Variants in NMD3 observed in about 807,000 individuals in gnomAD.
NMD3 encodes 60S ribosomal export protein NMD3.
A neutral mutation model predicts 73.1 loss-of-function variants in NMD3; 47 were observed. The observed-to-expected ratio is 0.64, with a 90% CI of 0.51 to 0.82. NMD3 has a LOEUF of 0.82. NMD3 is among the 40% of genes least tolerant of loss of function. The probability of loss-of-function intolerance (pLI) is 0.00; values close to 1 mark genes in which losing one functional copy is unlikely to be tolerated. For synonymous variants in NMD3, 210 were observed against 194.5 expected (o/e 1.08, Z -0.66); for missense variants, 554 against 612.5 (o/e 0.90, Z 1.01).
chr3:161,232,005 G>C (rs963744363), intron 4 of NMD3, among the ~76,000 whole-genome samples: 2 of 152,116 alleles, frequency 1.3e-5, no homozygotes, highest in Non-Finnish European at 2.9e-5. Flanking sequence ...GATTAGTCAT[G>C]GTTGTCTGAG....
At chr3:161,226,497 A>G (rs558482893) in intron 3 of NMD3, among the ~76,000 whole-genome samples, 4 of 152,284 alleles carry the variant, frequency 2.6e-5, no homozygotes, top group Admixed American at 2.6e-4. Flanking sequence ...TTATAAACAA[A>G]GGGAGACCTG....
At position 161,241,344 on chromosome 3, in the gene NMD3, T is replaced by A. The variant is rs189905217; in HGVS notation, c.871+181T>A. The stretch of plus-strand genomic sequence containing the variant: ...CAAGCTTTGATTAGTTACTTTTGTA[T>A]TTTTTATTTAAAGAAACAATTCTGT... On this transcript the variant is annotated intron_variant, in intron 10 of 15. Transcript: ENST00000351193. 3.9e-5 allele frequency among the ~76,000 whole-genome samples: 6 copies of A among 152,300 alleles called. No homozygotes were observed. The East Asian group carries it at 9.6e-4, about 24-fold the overall frequency.
In NMD3 at chr3:161,246,296, T is replaced by C. The variant is rs777983912; in HGVS notation, c.1018-40T>C. On this transcript the variant is annotated intron_variant, in intron 11 of 15. Transcript: ENST00000351193. ...TTTCTCTGAGATGCTTTTAGAGTTATGTTTAGATTATTGAAGAGTACATTT... is the reference window on the plus strand; with the variant it reads ...TTTCTCTGAGATGCTTTTAGAGTTACGTTTAGATTATTGAAGAGTACATTT... The C allele has an allele frequency of 7.0e-6, 5 of 718,732 alleles. No individual in the cohort carries two copies. The African/African-American group carries it at 7.2e-5, about 10-fold the overall frequency. The allele number at this position is 718,732 out of a possible 1,614,324, so 44.5% of individuals were successfully genotyped here. A position where few individuals can be genotyped will look rare whatever the true frequency, so the allele number is the denominator to read the frequency against.
intron 7 of NMD3, 64 bp from the exon 8 acceptor site, chr3:161,238,049 T>C: frequency 9.6e-7 from 1 of 1,041,602 alleles, no homozygotes; most frequent in South Asian, 1.4e-5. Context: ...AATATAGTCA[T>C]GTTAGTAGAG....
chr3:161,241,613 G>T (rs1228628334), intron 10 of NMD3, among the ~76,000 whole-genome samples: 2 of 151,954 alleles, frequency 1.3e-5, no homozygotes, highest in East Asian at 3.9e-4. Context: ...TAGAGACGGG[G>T]TTTCACTGTG....
intron 5 of NMD3, 32 bp downstream of exon 5, chr3:161,233,511 A>C (rs767329042): frequency 1.5e-6 from 2 of 1,356,736 alleles, no homozygotes; most frequent in Admixed American, 3.5e-5. Context: ...CAGCATGGTT[A>C]AAGTGCAGGT....
At chr3:161,231,879 G>C (rs1044490916) in intron 4 of NMD3, among the ~76,000 whole-genome samples, 1 of 152,134 alleles carries the variant, frequency 6.6e-6, no homozygotes, top group Non-Finnish European at 1.5e-5. Flanking sequence ...GGGGAGGAGT[G>C]TTAGATGGGG....
intron 4 of NMD3, among the ~76,000 whole-genome samples, chr3:161,230,901 G>T (rs183979597): frequency 6.6e-6 from 1 of 152,088 alleles, no homozygotes; most frequent in East Asian, 1.9e-4. Flanking sequence ...AGGAGAGAGC[G>T]GAAGATATGA....
chr3:161,244,373 C>G (rs146289174), intron 11 of NMD3, among the ~76,000 whole-genome samples: 2 of 152,344 alleles, frequency 1.3e-5, no homozygotes, highest in Non-Finnish European at 2.9e-5. Flanking sequence ...AAGCAATCCT[C>G]CTGCCTTGGC....
At chr3:161,246,950 T>G (rs938677168) in intron 12 of NMD3, among the ~76,000 whole-genome samples, 13 of 152,136 alleles carry the variant, frequency 8.5e-5, no homozygotes, top group African/African-American at 3.1e-4. Flanking sequence ...TTTTGTTTGT[T>G]TGTTTAAAAT....
chr3:161,237,478 T>G (rs1328415363), intron 7 of NMD3, among the ~76,000 whole-genome samples: 1 of 151,910 alleles, frequency 6.6e-6, no homozygotes, highest in Admixed American at 6.6e-5. Context: ...TTTCTATCTC[T>G]CAGATAGTTT....
chr3:161,249,081 T>C (rs1379032210), intron 13 of NMD3, among the ~76,000 whole-genome samples: 2 of 152,192 alleles, frequency 1.3e-5, no homozygotes, highest in Non-Finnish European at 2.9e-5. Flanking sequence ...TAAATGCTTA[T>C]TGGTGGGTAT....
intron 8 of NMD3, among the ~76,000 whole-genome samples, 190 bp downstream of exon 8, chr3:161,238,381 G>A (rs534506119): frequency 1.5e-4 from 23 of 152,182 alleles, no homozygotes; most frequent in Non-Finnish European, 3.1e-4. Flanking sequence ...CAAAGATCGG[G>A]AAATTTTCAT....
chr3:161,229,270 G>A (rs1233594694), intron 4 of NMD3, among the ~76,000 whole-genome samples: 6 of 152,156 alleles, frequency 3.9e-5, no homozygotes, highest in Non-Finnish European at 5.9e-5. Context: ...TCTGGCTGCT[G>A]TTTTTAGAAT....
At position 161,248,840 on chromosome 3, in the gene NMD3, A is replaced by G. The variant is rs559209186; in HGVS notation, c.1204-614A>G. Among the ~76,000 whole-genome samples the G allele has an allele frequency of 2.6e-5, 4 of 152,322 alleles. No individual in the cohort carries two copies. In the East Asian group the frequency reaches 7.7e-4, roughly 29 times the overall value. On this transcript the variant is annotated intron_variant, in intron 13 of 15. Transcript: ENST00000351193. ...AGCAGTGAGCAAAAAAAGTAGAGCC[A>G]TGACAAATCAAGGACTCCGACCACC...
intron 7 of NMD3, among the ~76,000 whole-genome samples, chr3:161,237,691 C>T (rs144125133): frequency 2.0e-5 from 3 of 152,000 alleles, no homozygotes; most frequent in African/African-American, 7.2e-5. Flanking sequence ...GCACATGCCA[C>T]CACGTCCGGC....
At chr3:161,229,969 G>C (rs1736469707) in intron 4 of NMD3, among the ~76,000 whole-genome samples, 2 of 152,194 alleles carry the variant, frequency 1.3e-5, no homozygotes, top group African/African-American at 4.8e-5. Flanking sequence ...TGGTGGTAAA[G>C]ATGTCATTTA....
At position 161,249,079 on chromosome 3, in the gene NMD3, T is replaced by C. The variant is rs1014179893; in HGVS notation, c.1204-375T>C. Among the ~76,000 whole-genome samples, 7 of 152,310 alleles carry C rather than the reference T, an allele frequency of 4.6e-5. 1 individual carries two copies. The highest frequency in any genetic ancestry group is 4.6e-4 in the Admixed American group (7 of 15,306). ...AGTTATATATAGTTCTGTAAATGCT[T>C]ATTGGTGGGTATAAGAGAAAAAAAG... On this transcript the variant is annotated intron_variant, in intron 13 of 15. Coordinates refer to ENST00000351193, the MANE Select transcript of NMD3 (RefSeq NM_015938.5).
chr3:161,240,061 T>A (rs1199038740), intron 9 of NMD3, among the ~76,000 whole-genome samples: 1 of 152,214 alleles, frequency 6.6e-6, no homozygotes, highest in African/African-American at 2.4e-5. Context: ...GTTTTACACA[T>A]GTAAAAATTA....
Sources: gnomAD v4.1 joint callset for allele counts (sites outside exome capture counted in the v4.1 genomes callset) on GRCh38, gnomAD v4.1.1 for gene constraint, MANE v1.5 for transcripts, NCBI Gene and HGNC (gene_info 2026-07-23, HGNC 2026-07-21) for gene names.